Variants in TBC1D5 observed in about 807,000 individuals in gnomAD.
TBC1D5 encodes the protein TBC1 domain family member 5, also known as TBC1 domain family, member 5.
Under a neutral mutation model 100.3 loss-of-function variants are expected in TBC1D5, and 75 were observed. That is an observed-to-expected ratio of 0.75 (90% confidence interval 0.62 to 0.91). The LOEUF (loss-of-function observed/expected upper bound fraction) is 0.91, where lower values mean the gene tolerates loss of function less well. TBC1D5 is among the 40% of genes least tolerant of loss of function. The probability of loss-of-function intolerance (pLI) is 0.00; values close to 1 mark genes in which losing one functional copy is unlikely to be tolerated. For missense variants in TBC1D5, 910 were observed against 942.4 expected, an observed-to-expected ratio of 0.97 and a Z score of 0.45; for synonymous variants, 323 against 325.6, an observed-to-expected ratio of 0.99 and a Z score of 0.09.
intron 3 of TBC1D5, among the ~76,000 whole-genome samples, chr3:17,499,315 T>C (rs2095755055): frequency 6.6e-6 from 1 of 152,200 alleles, no homozygotes; most frequent in South Asian, 2.1e-4. Context: ...TTTTAATGCA[T>C]AAATCAATAA....
At chr3:17,716,350 A>G (rs143443701) in intron 1 of TBC1D5, among the ~76,000 whole-genome samples, 9 of 151,314 alleles carry the variant, frequency 5.9e-5, no homozygotes, top group African/African-American at 1.5e-4. Flanking sequence ...ACTTATAATA[A>G]AACTGTCATT....
chr3:17,437,632 G>C (rs1225725024), intron 3 of TBC1D5, among the ~76,000 whole-genome samples: 2 of 140,860 alleles, frequency 1.4e-5, no homozygotes, highest in Non-Finnish European at 3.1e-5. Flanking sequence ...TAGAGAGAGA[G>C]AGAGAGAGAG....
intron 15 of TBC1D5, among the ~76,000 whole-genome samples, chr3:17,280,502 A>C (rs1435907768): frequency 6.6e-6 from 1 of 152,150 alleles, no homozygotes; most frequent in Non-Finnish European, 1.5e-5. Context: ...GCCAGCAGAG[A>C]GGGGAGAGGA....
At chr3:17,700,465 C>A (rs1297881747) in intron 1 of TBC1D5, among the ~76,000 whole-genome samples, 2 of 152,088 alleles carry the variant, frequency 1.3e-5, no homozygotes, top group Non-Finnish European at 2.9e-5. Context: ...CAACAAAAGC[C>A]AAAATTGACA....
At chr3:17,427,599 T>C (rs996320317) in intron 4 of TBC1D5, among the ~76,000 whole-genome samples, 1 of 151,992 alleles carries the variant, frequency 6.6e-6, no homozygotes, top group African/African-American at 2.4e-5. Context: ...GCATATATTT[T>C]ATAGTGTTGT....
chr3:17,726,534 T>C (rs1447424765), intron 1 of TBC1D5, among the ~76,000 whole-genome samples: 5 of 152,246 alleles, frequency 3.3e-5, no homozygotes, highest in African/African-American at 9.6e-5. Context: ...CCTGTTCATG[T>C]TCTTTGCTCA....
At chr3:17,468,681 A>C (rs1329924325) in intron 3 of TBC1D5, among the ~76,000 whole-genome samples, 2 of 152,200 alleles carry the variant, frequency 1.3e-5, no homozygotes, top group Admixed American at 6.5e-5. Context: ...AATAATCAAC[A>C]ACCATGATCT....
chr3:17,513,248 T>C (rs1418215345), intron 2 of TBC1D5, among the ~76,000 whole-genome samples: 4 of 151,674 alleles, frequency 2.6e-5, no homozygotes, highest in African/African-American at 7.3e-5. Flanking sequence ...AGAAGAATTG[T>C]TGGAACCCGG....
chr3:17,648,362 A>T (rs2065204542), intron 1 of TBC1D5, among the ~76,000 whole-genome samples: 1 of 152,178 alleles, frequency 6.6e-6, no homozygotes, highest in African/African-American at 2.4e-5. Context: ...TAAAACCCCA[A>T]ACTATAAAAA....
Position 17,162,519 on chromosome 3 carries a change from C to T in TBC1D5, c.2095-1263G>A, listed in dbSNP as rs756616548. The stretch of plus-strand genomic sequence containing the variant: ...AGGATATTCAGTCAGAGAACATAAA[C>T]GTAATTGGCCTTTAGGATCACAGAG... On this transcript the variant is annotated intron_variant, in intron 21 of 21. Transcript: ENST00000253692. Among the ~76,000 whole-genome samples, 4 of 152,194 alleles carry T rather than the reference C, an allele frequency of 2.6e-5. No individual in the cohort carries two copies. In the South Asian group the frequency reaches 6.2e-4, roughly 24 times the overall value.
intron 21 of TBC1D5, among the ~76,000 whole-genome samples, chr3:17,164,069 C>T (rs763792834): frequency 6.6e-6 from 1 of 152,130 alleles, no homozygotes; most frequent in African/African-American, 2.4e-5. Context: ...GGAGGGACAG[C>T]GTGTGGCTCT....
intron 16 of TBC1D5, among the ~76,000 whole-genome samples, chr3:17,242,595 C>G (rs2149120913): frequency 6.6e-6 from 1 of 152,078 alleles, no homozygotes; most frequent in South Asian, 2.1e-4. Context: ...TACACATATG[C>G]TTGGTTTTAA....
intron 2 of TBC1D5, among the ~76,000 whole-genome samples, chr3:17,614,345 G>A (rs535302451): frequency 1.7e-4 from 26 of 152,084 alleles, no homozygotes; most frequent in Admixed American, 5.9e-4. Context: ...TGTTCTCTTC[G>A]CTTACGATTG....
At chr3:17,651,501 A>C (rs1425427019) in intron 1 of TBC1D5, among the ~76,000 whole-genome samples, 1 of 152,138 alleles carries the variant, frequency 6.6e-6, no homozygotes, top group East Asian at 1.9e-4. Context: ...CTCCTTGTCC[A>C]TATTCAAGAC....
chr3:17,202,704 G>A (rs1005798433), intron 18 of TBC1D5, among the ~76,000 whole-genome samples: 1 of 152,162 alleles, frequency 6.6e-6, no homozygotes, highest in Non-Finnish European at 1.5e-5. Context: ...TGGCTAAAAG[G>A]GCCTAAGATA....
intron 2 of TBC1D5, among the ~76,000 whole-genome samples, chr3:17,580,390 G>C (rs1045298391): frequency 6.6e-6 from 1 of 152,116 alleles, no homozygotes; most frequent in African/African-American, 2.4e-5. Context: ...GCCTAAAGAA[G>C]TGGGAAGCAA....
intron 1 of TBC1D5, among the ~76,000 whole-genome samples, chr3:17,645,608 G>T (rs1247343525): frequency 6.6e-6 from 1 of 152,080 alleles, no homozygotes; most frequent in Non-Finnish European, 1.5e-5. Context: ...TCTCTCTTTA[G>T]TTTCCTTTCT....
At chr3:17,298,584 G>GA (rs924676811) in intron 14 of TBC1D5, among the ~76,000 whole-genome samples, 12 of 152,286 alleles carry the variant, frequency 7.9e-5, no homozygotes, top group African/African-American at 2.9e-4. Flanking sequence ...TATGGAAGGA[G>GA]AAAGTGGGTG....
chr3:17,635,342 A>C (rs1021749378), intron 1 of TBC1D5, among the ~76,000 whole-genome samples: 1 of 152,244 alleles, frequency 6.6e-6, no homozygotes, highest in Non-Finnish European at 1.5e-5. Context: ...ATTTAAAGAC[A>C]TAACATTGAT....
Sources: gnomAD v4.1 joint callset for allele counts (sites outside exome capture counted in the v4.1 genomes callset) on GRCh38, gnomAD v4.1.1 for gene constraint, MANE v1.5 for transcripts, NCBI Gene and HGNC (gene_info 2026-07-23, HGNC 2026-07-21) for gene names.